The following TSPAN13 variants were observed in gnomAD, a reference collection of about 807,000 sequenced individuals.
The protein encoded by TSPAN13 is tetraspanin 13.
In TSPAN13, 18 loss-of-function variants were observed where a neutral mutation model predicts 26.9. That is an observed-to-expected ratio of 0.67 (90% CI 0.46 to 0.99). The LOEUF is 0.99. Ranked by LOEUF, TSPAN13 falls within the 50% of genes least tolerant of loss-of-function variation. The probability of loss-of-function intolerance (pLI) is 0.00; values close to 1 mark genes in which losing one functional copy is unlikely to be tolerated. For missense variants in TSPAN13, 201 were observed against 249.6 expected (o/e 0.81, Z 1.31); for synonymous variants, 116 against 98.4 (o/e 1.18, Z -1.06).
chr7:16,765,049 ATGCCCCACC>A, intron 1 of TSPAN13, among the ~76,000 whole-genome samples: 1 of 151,712 alleles, frequency 6.6e-6, no homozygotes, highest in East Asian at 1.9e-4. Context: ...GTGAACCACT[ATGCCCCACC>A]TGTGCTGTAG....
chr7:16,782,718 A>G (rs956398130), intron 5 of TSPAN13, among the ~76,000 whole-genome samples: 3 of 152,132 alleles, frequency 2.0e-5, no homozygotes. Flanking sequence ...TTTTGCTGTT[A>G]CTTAAATTTT....
intron 1 of TSPAN13, among the ~76,000 whole-genome samples, chr7:16,761,726 G>T (rs1272197878): frequency 6.9e-6 from 1 of 145,812 alleles, no homozygotes; most frequent in Non-Finnish European, 1.5e-5. Context: ...TAGAGACAGG[G>T]GTCTTGCTGT....
rs376899862 is a variant in TSPAN13, at chr7:16,776,278, G to A, written c.131G>A (p.Arg44Gln). The A allele has an allele frequency of 1.4e-5, 22 of 1,614,062 alleles. No individual in the cohort carries two copies. Among genetic ancestry groups the A allele is most frequent in the Non-Finnish European group, 1.6e-5 (19 of 1,179,994 alleles). Reference protein sequence around the residue: ...GIGFGLISSLRVVGVVIAVGI... With the variant: ...GIGFGLISSLQVVGVVIAVGI... Reference sequence around the variant, plus strand: ...GGCTTCGGGCTGATTTCCAGTCTCCGAGTGGTCGGCGTGGTCATTGCAGTG... The same window carrying A: ...GGCTTCGGGCTGATTTCCAGTCTCCAAGTGGTCGGCGTGGTCATTGCAGTG... The change falls in exon 2 of 6, where the codon CGA (arginine) becomes CAA (glutamine). Residue 44 changes from arginine to glutamine, a missense_variant. Arg to Gln is a conservative substitution (Grantham distance 43, BLOSUM62 1). Coordinates refer to ENST00000262067, the MANE Select transcript of TSPAN13 (RefSeq NM_014399.4).
At chr7:16,780,087 T>G (rs1562521694) in intron 5 of TSPAN13, among the ~76,000 whole-genome samples, 1 of 151,650 alleles carries the variant, frequency 6.6e-6, no homozygotes, top group Non-Finnish European at 1.5e-5. Flanking sequence ...TCATTTTTTA[T>G]TTTTATTTAT....
intron 1 of TSPAN13, among the ~76,000 whole-genome samples, chr7:16,756,315 AC>A (rs1367548840): frequency 6.6e-6 from 1 of 152,200 alleles, no homozygotes; most frequent in Non-Finnish European, 1.5e-5. Context: ...TTCTAATCCC[AC>A]CCTGGTCACT....
intron 5 of TSPAN13, among the ~76,000 whole-genome samples, chr7:16,782,501 GT>G (rs765452819): frequency 4.9e-4 from 75 of 152,124 alleles, no homozygotes; most frequent in Admixed American, 1.4e-3. Flanking sequence ...AGCCTAAAGA[GT>G]TACAATTTTC....
rs139521710 is a variant in TSPAN13 at position 16,766,881 on chromosome 7, T to G, written c.64-9330T>G. Among the ~76,000 whole-genome samples, 197 of 152,352 alleles carry G rather than the reference T, an allele frequency of 1.3e-3. 1 individual carries two copies. The highest frequency in any genetic ancestry group is 4.6e-3 in the African/African-American group (190 of 41,588). Reference sequence around the variant, plus strand: ...TTCATATGCTCAGGAAATAATATGGTAGACCCCTGTGAACTCACTGGCTTT... The same window carrying G: ...TTCATATGCTCAGGAAATAATATGGGAGACCCCTGTGAACTCACTGGCTTT... On this transcript the variant is annotated intron_variant, in intron 1 of 5. Coordinates refer to ENST00000262067, the MANE Select transcript of TSPAN13 (RefSeq NM_014399.4).
chr7:16,760,524 G>A (rs1339329392), intron 1 of TSPAN13, among the ~76,000 whole-genome samples: 2 of 152,152 alleles, frequency 1.3e-5, no homozygotes, highest in Admixed American at 1.3e-4. Context: ...TATTGGACGT[G>A]ATGCTAAAGA....
intron 4 of TSPAN13, among the ~76,000 whole-genome samples, 182 bp downstream of exon 4, chr7:16,778,093 G>T (rs917861320): frequency 1.3e-5 from 2 of 152,200 alleles, no homozygotes; most frequent in Non-Finnish European, 2.9e-5. Flanking sequence ...CCACTCCAGA[G>T]AGTGTTGAGA....
chr7:16,759,770 G>GCTCAC (rs1195877782), intron 1 of TSPAN13, among the ~76,000 whole-genome samples: 1 of 150,408 alleles, frequency 6.6e-6, no homozygotes, highest in Non-Finnish European at 1.5e-5. Flanking sequence ...CACTGCCAGA[G>GCTCAC]AGCTGTCTCC....
rs114461524 is a variant in TSPAN13, at chr7:16,774,778, A to G, written c.64-1433A>G. Among the ~76,000 whole-genome samples, 662 of 152,334 alleles carry G rather than the reference A, an allele frequency of 4.3e-3. 5 individuals carry two copies. Among genetic ancestry groups the G allele is most frequent in the African/African-American group, 0.015 (634 of 41,574 alleles). On this transcript the variant is annotated intron_variant, in intron 1 of 5. Transcript: ENST00000262067. Reference sequence around the variant, plus strand: ...CTGCAGTGGAGCCCACCAAGTTCATATAACTCTCTAATTTGATTATATTAT... The same window carrying G: ...CTGCAGTGGAGCCCACCAAGTTCATGTAACTCTCTAATTTGATTATATTAT...
At chr7:16,756,113 G>A (rs969949225) in intron 1 of TSPAN13, among the ~76,000 whole-genome samples, 3 of 152,130 alleles carry the variant, frequency 2.0e-5, no homozygotes, top group Non-Finnish European at 2.9e-5. Flanking sequence ...GCAAGTGACA[G>A]GTAAAAGTTG....
intron 4 of TSPAN13, 63 bp from the exon 5 acceptor site, chr7:16,778,939 AG>A: frequency 8.0e-7 from 1 of 1,243,688 alleles, no homozygotes; most frequent in East Asian, 2.4e-5. Context: ...GTGTGTATGC[AG>A]TTTTTATGGG....
intron 1 of TSPAN13, among the ~76,000 whole-genome samples, chr7:16,757,153 G>T (rs1784489074): frequency 6.6e-6 from 1 of 152,152 alleles, no homozygotes; most frequent in East Asian, 1.9e-4. Flanking sequence ...TAAAATTTAG[G>T]ACTGTGGCAG....
intron 1 of TSPAN13, among the ~76,000 whole-genome samples, chr7:16,764,699 T>G (rs1317594895): frequency 6.6e-6 from 1 of 152,200 alleles, no homozygotes; most frequent in Non-Finnish European, 1.5e-5. Context: ...CCTGTTGATA[T>G]GCCTATAAAG....
chr7:16,758,763 T>TTC (rs397750459), intron 1 of TSPAN13, among the ~76,000 whole-genome samples: 2 of 151,884 alleles, frequency 1.3e-5, no homozygotes, highest in Non-Finnish European at 2.9e-5. Flanking sequence ...TTTTTTTTTT[T>TTC]ACATAATTGG....
At chr7:16,775,919 A>C (rs552925412) in intron 1 of TSPAN13, 1 of 279,136 alleles carries the variant, frequency 3.6e-6, no homozygotes, top group African/African-American at 2.2e-5. Flanking sequence ...AGTAGCATGC[A>C]TTTAGGCTCT....
At chr7:16,770,274 C>T (rs751438349) in intron 1 of TSPAN13, among the ~76,000 whole-genome samples, 25 of 152,030 alleles carry the variant, frequency 1.6e-4, no homozygotes, top group Non-Finnish European at 2.9e-4. Context: ...GGCACAATCT[C>T]GGCTCACTGC....
At chr7:16,763,984 A>T (rs886929808) in intron 1 of TSPAN13, among the ~76,000 whole-genome samples, 3 of 152,206 alleles carry the variant, frequency 2.0e-5, no homozygotes, top group African/African-American at 4.8e-5. Context: ...ATGCTAGATT[A>T]TAAAGAACAT....
Sources: gnomAD v4.1 joint callset for allele counts (sites outside exome capture counted in the v4.1 genomes callset) on GRCh38, gnomAD v4.1.1 for gene constraint, MANE v1.5 for transcripts, NCBI Gene and HGNC (gene_info 2026-07-23, HGNC 2026-07-21) for gene names.